Variants in TANC1 observed in about 807,000 individuals in gnomAD.
The protein encoded by TANC1 is tetratricopeptide repeat, ankyrin repeat and coiled-coil containing 1.
In TANC1, 77 loss-of-function variants were observed where a neutral mutation model predicts 149.7. That is an observed-to-expected ratio of 0.51 (90% CI 0.43 to 0.62). TANC1 has a LOEUF of 0.62. Ranked by LOEUF, TANC1 falls within the 20% of genes least tolerant of loss-of-function variation. The probability of loss-of-function intolerance (pLI) is 0.00; values close to 1 mark genes in which losing one functional copy is unlikely to be tolerated. For synonymous variants in TANC1, 854 were observed against 925.0 expected (o/e 0.92, Z 1.39); for missense variants, 1,985 against 2,321.8 (o/e 0.85, Z 2.98).
rs777063475 is a variant in TANC1, at chr2:159,230,026, G to A, written c.4600G>A (p.Val1534Met). The change falls in exon 27 of 27, where the codon GTG becomes ATG. Residue 1534 changes from valine (V) to methionine (M), a missense_variant. Transcript: ENST00000263635. The surrounding 1 kb of genome is among the most constrained non-coding windows in gnomAD (Gnocchi z 4.4). Reference sequence around the variant, plus strand: ...GCAGCCCTCCAAGCAGGCCCAGATCGTGAAAACCAGCCAGCACCTGGGCTC... The same window carrying A: ...GCAGCCCTCCAAGCAGGCCCAGATCATGAAAACCAGCCAGCACCTGGGCTC... ...LLQPSKQAQI[V>M]KTSQHLGSGQ... The A allele has an allele frequency of 1.9e-5, 31 of 1,613,956 alleles. No homozygotes were observed. Among genetic ancestry groups the A allele is most frequent in the East Asian group, 8.9e-5 (4 of 44,884 alleles).
chr2:159,072,629 C>A (rs1458381661), intron 3 of TANC1, among the ~76,000 whole-genome samples: 1 of 152,040 alleles, frequency 6.6e-6, no homozygotes, highest in East Asian at 1.9e-4. Flanking sequence ...CTAACAAAAC[C>A]CTTAAAAATA....
chr2:159,069,449 T>C (rs1373785122), intron 3 of TANC1, among the ~76,000 whole-genome samples: 1 of 152,230 alleles, frequency 6.6e-6, no homozygotes, highest in African/African-American at 2.4e-5. Flanking sequence ...GTGTTTATTT[T>C]TGAAGCTCTC....
chr2:159,097,517 T>C, intron 3 of TANC1, 120 bp from the exon 4 acceptor site: 1 of 796,690 alleles, frequency 1.3e-6, no homozygotes, highest in Non-Finnish European at 2.0e-6. Flanking sequence ...TTTAAAAAAA[T>C]TCAATACACA....
At chr2:158,970,113 C>T (rs1345500930) in intron 1 of TANC1, among the ~76,000 whole-genome samples, 1 of 148,648 alleles carries the variant, frequency 6.7e-6, no homozygotes, top group Non-Finnish European at 1.5e-5. Flanking sequence ...AAATGCCAGA[C>T]ACACCAGACT....
chr2:159,097,779 T>G lies in TANC1; in HGVS notation c.204T>G (p.Pro68=). ...TCTCGATGTCTCTGCCTTCCTCACC[T>G]TTGCTGCCTCGACAGTCTCACTTGG... ...KGVSMSLPSS[P]LLPRQSHLVQ... is the part of the protein sequence containing the mutation. The change falls in exon 4 of 27, where the codon CCT becomes CCG. Residue 68 remains proline (P), a synonymous_variant. Coordinates refer to ENST00000263635, the MANE Select transcript of TANC1 (RefSeq NM_033394.3). The G allele has an allele frequency of 1.9e-6, 3 of 1,613,988 alleles. No homozygotes were observed. The highest frequency in any genetic ancestry group is 2.5e-6 in the Non-Finnish European group (3 of 1,180,004).
intron 15 of TANC1, 139 bp from the exon 16 acceptor site, chr2:159,186,761 TTG>T: frequency 2.0e-6 from 2 of 1,005,712 alleles, no homozygotes; most frequent in Non-Finnish European, 1.5e-6. Context: ...CAGGCATTCT[TTG>T]TGTGTGACCC....
At chr2:159,203,110 G>C (rs1262344559) in intron 19 of TANC1, among the ~76,000 whole-genome samples, 1 of 152,094 alleles carries the variant, frequency 6.6e-6, no homozygotes, top group Non-Finnish European at 1.5e-5. Flanking sequence ...GGTCCTGTCT[G>C]GTATCAGAGC....
chr2:159,045,872 A>G (rs141305883), intron 2 of TANC1, among the ~76,000 whole-genome samples: 316 of 152,356 alleles, frequency 2.1e-3, no homozygotes, highest in Non-Finnish European at 3.5e-3. Context: ...TAACATGACA[A>G]AGAACAAGAA....
At chr2:159,065,638 TTG>T (rs1290804654) in intron 2 of TANC1, among the ~76,000 whole-genome samples, 12 of 130,310 alleles carry the variant, frequency 9.2e-5, no homozygotes, top group Non-Finnish European at 1.6e-4. Context: ...GAATGCACTA[TTG>T]TTTTTTTTTT....
At chr2:159,073,768 C>T (rs536632539) in intron 3 of TANC1, among the ~76,000 whole-genome samples, 155 of 152,286 alleles carry the variant, frequency 1.0e-3, no homozygotes, top group South Asian at 3.1e-3. Flanking sequence ...TTTCTATTTG[C>T]ACTTCCTAGA....
chr2:159,026,335 A>T (rs2039339802), intron 2 of TANC1, among the ~76,000 whole-genome samples: 1 of 152,052 alleles, frequency 6.6e-6, no homozygotes, highest in South Asian at 2.1e-4. Context: ...CAGTGTCCTT[A>T]CTCAGATGCT....
chr2:159,217,856 CAG>C (rs2059448929), intron 20 of TANC1, among the ~76,000 whole-genome samples: 1 of 152,202 alleles, frequency 6.6e-6, no homozygotes, highest in African/African-American at 2.4e-5. Flanking sequence ...CTATCCAGGT[CAG>C]AGACACAGCC....
chr2:159,042,302 G>A (rs2040707490), intron 2 of TANC1, among the ~76,000 whole-genome samples: 1 of 152,274 alleles, frequency 6.6e-6, no homozygotes, highest in South Asian at 2.1e-4. Flanking sequence ...GTTCTTTCTG[G>A]CAGTGAAGCC....
rs757044461 is a variant in TANC1, at chr2:159,230,099, C to G, written c.4673C>G (p.Ser1558Cys). 6.2e-7 allele frequency: 1 copy of G among 1,613,996 alleles called. No individual in the cohort carries two copies. Among genetic ancestry groups the G allele is most frequent in the Non-Finnish European group, 8.5e-7 (1 of 1,180,050 alleles). The change falls in exon 27 of 27, where the codon TCT becomes TGT. Residue 1558 changes from serine (S) to cysteine (C), a missense_variant. Ser to Cys is a moderately radical substitution (Grantham distance 112). This residue lies in a region of TANC1 where 920 missense variants were observed against 994.7 expected (regional missense o/e 0.92). Coordinates refer to ENST00000263635, the MANE Select transcript of TANC1 (RefSeq NM_033394.3). The surrounding 1 kb of genome is among the most constrained non-coding windows in gnomAD (Gnocchi z 4.4). ...GGCAGTATGAAAGTTCAGATCTCTT[C>G]TCAGAACCCTCCTCCAAGTCCCATG... The part of the protein sequence containing the change: ...RNGSMKVQIS[S>C]QNPPPSPMPG...
intron 7 of TANC1, among the ~76,000 whole-genome samples, chr2:159,158,502 G>A (rs1411330851): frequency 6.6e-6 from 1 of 152,194 alleles, no homozygotes; most frequent in Non-Finnish European, 1.5e-5. Flanking sequence ...CTGGCATATA[G>A]TAAACAGTAT....
In TANC1 at chr2:159,196,809, G is replaced by T. The variant is rs749379016; in HGVS notation, c.3165+16G>T. 1 of 1,594,798 alleles carries T rather than the reference G, an allele frequency of 6.3e-7. No individual in the cohort carries two copies. The highest frequency in any genetic ancestry group is 8.5e-7 in the Non-Finnish European group (1 of 1,173,954). On this transcript the variant is annotated intron_variant, in intron 18 of 26. Coordinates refer to ENST00000263635, the MANE Select transcript of TANC1 (RefSeq NM_033394.3). ...CCACAGCTCGGTGAGTGGGGCAGGG[G>T]TTTCCCTCCTGGGAAACAAGAAGCT...
At chr2:159,073,191 A>T (rs2043310494) in intron 3 of TANC1, among the ~76,000 whole-genome samples, 1 of 152,210 alleles carries the variant, frequency 6.6e-6, no homozygotes, top group South Asian at 2.1e-4. Context: ...AGGTCTTTAT[A>T]TATGGAGGGC....
intron 3 of TANC1, among the ~76,000 whole-genome samples, chr2:159,073,216 C>T (rs925430071): frequency 6.6e-6 from 1 of 152,162 alleles, no homozygotes; most frequent in Non-Finnish European, 1.5e-5. Flanking sequence ...GTCCCCCGAC[C>T]TCTTCATAGC....
At chr2:159,205,224 C>T (rs1484387069) in intron 19 of TANC1, among the ~76,000 whole-genome samples, 5 of 152,350 alleles carry the variant, frequency 3.3e-5, no homozygotes, top group African/African-American at 9.6e-5. Context: ...AGGCCCCAGG[C>T]GTGGACGGTG....
Sources: gnomAD v4.1 joint callset for allele counts (sites outside exome capture counted in the v4.1 genomes callset) on GRCh38, gnomAD v4.1.1 for gene constraint, gnomAD v4.1.1 regional missense constraint, Gnocchi (gnomAD v3.1) non-coding constraint, MANE v1.5 for transcripts, NCBI Gene and HGNC (gene_info 2026-07-23, HGNC 2026-07-21) for gene names.